The following H2BC18 variants were observed in gnomAD, a reference collection of about 807,000 sequenced individuals.
H2BC18 encodes the protein H2B clustered histone 18.
Under a neutral mutation model 6.3 loss-of-function variants are expected in H2BC18, and 8 were observed. The observed-to-expected ratio is 1.28, with a 90% CI of 0.75 to 2.31. H2BC18 has a LOEUF of 2.31. Among genes scored for constraint, H2BC18 ranks in the 30% most tolerant of loss-of-function variants. The pLI is 0.00. For synonymous variants in H2BC18, 104 were observed against 78.1 expected (o/e 1.33, Z -1.75); for missense variants, 106 against 174.5 (o/e 0.61, Z 2.21).
At chr1:149,785,422 T>G (rs1456577769) in intron 1 of H2BC18, among the ~76,000 whole-genome samples, 17 of 136,180 alleles carry the variant, frequency 1.2e-4, no homozygotes, top group African/African-American at 2.7e-4. Flanking sequence ...TTTTTTTTTT[T>G]TTTTTTTTTT....
chr1:149,805,336 T>C (rs2091907927), intron 1 of H2BC18: 2 of 152,186 alleles, frequency 1.3e-5, no homozygotes, highest in Admixed American at 6.5e-5. Flanking sequence ...GGGACTATAA[T>C]TGTCCATCTT....
chr1:149,805,911 A>C (rs2101486436), intron 1 of H2BC18, among the ~76,000 whole-genome samples: 1 of 151,948 alleles, frequency 6.6e-6, no homozygotes, highest in Middle Eastern at 3.4e-3. Flanking sequence ...TTCATGTAAC[A>C]GTCCAGGGCT....
downstream of H2BC18, chr1:149,811,712 C>T: frequency 1.5e-6 from 1 of 650,834 alleles, no homozygotes; most frequent in Non-Finnish European, 2.7e-6. Flanking sequence ...AGATAACAAG[C>T]AACTCAGTAA....
chr1:149,811,788 C>G (rs1347516407), downstream of H2BC18: 4 of 685,392 alleles, frequency 5.8e-6, no homozygotes, highest in Non-Finnish European at 1.0e-5. Flanking sequence ...AGTCCTAAAC[C>G]CGAATGCATC....
intron 1 of H2BC18, among the ~76,000 whole-genome samples, chr1:149,790,656 A>AC (rs1468060097): frequency 4.2e-5 from 5 of 118,670 alleles, no homozygotes; most frequent in Admixed American, 2.8e-4. Context: ...CCACTCCATG[A>AC]CCCCCCCTTC....
intron 1 of H2BC18, chr1:149,790,319 G>A (rs1553751622): frequency 6.3e-7 from 1 of 1,588,610 alleles, no homozygotes; most frequent in Non-Finnish European, 8.6e-7. Context: ...GCAGCCCTGA[G>A]TTGGAGCTTC....
intron 1 of H2BC18, chr1:149,789,973 A>G: frequency 6.2e-7 from 1 of 1,612,120 alleles, no homozygotes; most frequent in Non-Finnish European, 8.5e-7. Flanking sequence ...AGGTTTCCCA[A>G]GGGGGTAAAG....
chr1:149,793,294 G>A lies in H2BC18; in HGVS notation c.378-10034C>T, dbSNP rs587655189. ...AGTGGGAGAGGCCGCCCGCCTCCCC[G>A]TCCAGCTCGGAGGACCTCCCAGCTG... On this transcript the variant is annotated intron_variant, in intron 1 of 1. Coordinates refer to the H2BC18 transcript ENST00000545683. 1.0e-5 allele frequency: 12 copies of A among 1,190,954 alleles called. 1 individual carries two copies. Among genetic ancestry groups the A allele is most frequent in the Admixed American group, 3.4e-5 (1 of 29,558 alleles). 73.8% of individuals were successfully genotyped at this position (1,190,954 alleles called of 1,614,324 possible).
At chr1:149,799,798 C>A (rs1199574112) in intron 1 of H2BC18, among the ~76,000 whole-genome samples, 3 of 152,160 alleles carry the variant, frequency 2.0e-5, no homozygotes, top group Non-Finnish European at 4.4e-5. Flanking sequence ...TTATCTTGAT[C>A]ATCATGAGGA....
chr1:149,801,590 C>A (rs1190239593), intron 1 of H2BC18, among the ~76,000 whole-genome samples: 4 of 141,984 alleles, frequency 2.8e-5, no homozygotes, highest in African/African-American at 1.0e-4. Context: ...AAGAGCAGAG[C>A]CAAGTTACAC....
intron 1 of H2BC18, chr1:149,794,038 G>C (rs2091770902): frequency 1.6e-6 from 1 of 623,108 alleles, no homozygotes; most frequent in Non-Finnish European, 2.6e-6. Flanking sequence ...CTGGGAGGGG[G>C]CTGACGGTCC....
intron 1 of H2BC18, chr1:149,793,177 G>A: frequency 7.8e-7 from 1 of 1,279,172 alleles, no homozygotes; most frequent in South Asian, 1.2e-5. Context: ...GGAAACGGGA[G>A]GACGGCGCTG....
At chr1:149,802,910 T>C (rs2091887173) in intron 1 of H2BC18, among the ~76,000 whole-genome samples, 1 of 152,216 alleles carries the variant, frequency 6.6e-6, no homozygotes, top group African/African-American at 2.4e-5. Context: ...TCCTGCTTTG[T>C]TGTAGCTACC....
At chr1:149,793,028 C>T (rs2101431651) in intron 1 of H2BC18, 2 of 1,263,814 alleles carry the variant, frequency 1.6e-6, no homozygotes, top group Non-Finnish European at 2.0e-6. Context: ...CGCCCCGGGC[C>T]CGCCAGCTCC....
chr1:149,801,883 C>T (rs1220097218), intron 1 of H2BC18, among the ~76,000 whole-genome samples: 1 of 152,116 alleles, frequency 6.6e-6, no homozygotes, highest in African/African-American at 2.4e-5. Flanking sequence ...CCCCCCTCCC[C>T]ACTATAAATT....
chr1:149,798,801 AG>A (rs1553753024), intron 1 of H2BC18, among the ~76,000 whole-genome samples: 1 of 152,132 alleles, frequency 6.6e-6, no homozygotes, highest in African/African-American at 2.4e-5. Flanking sequence ...TTGTAGAGAC[AG>A]GGGTCTTGCT....
intron 1 of H2BC18, chr1:149,788,138 T>C: frequency 3.1e-6 from 2 of 645,216 alleles, no homozygotes; most frequent in South Asian, 2.0e-5. Flanking sequence ...ACTTCTGAGA[T>C]CTGGAAAGGG....
downstream of H2BC18, among the ~76,000 whole-genome samples, chr1:149,807,338 TA>T (rs2091926781): frequency 1.3e-5 from 2 of 151,046 alleles, no homozygotes; most frequent in South Asian, 4.2e-4. Context: ...ACAAAAACTC[TA>T]AAAATTAGCC....
downstream of H2BC18, chr1:149,810,559 A>AT (rs1214685736): frequency 1.3e-5 from 2 of 151,950 alleles, no homozygotes; most frequent in East Asian, 3.9e-4. Flanking sequence ...ATAAGCTAAG[A>AT]TTTTCCAGTT....
Sources: gnomAD v4.1 joint callset for allele counts (sites outside exome capture counted in the v4.1 genomes callset) on GRCh38, gnomAD v4.1.1 for gene constraint, MANE v1.5 for transcripts, NCBI Gene and HGNC (gene_info 2026-07-23, HGNC 2026-07-21) for gene names.